The following ZNF678 variants were observed in gnomAD, a reference collection of about 807,000 sequenced individuals.
ZNF678 encodes hypothetical protein MGC42493.
Under a neutral mutation model 3.0 loss-of-function variants are expected in ZNF678, and 5 were observed. The ratio of observed to expected loss-of-function variants is 1.69; its 90% CI spans 0.88 to 3.56. The LOEUF is 3.56. Ranked by LOEUF, ZNF678 falls within the 30% of genes most tolerant of loss-of-function variation. The probability of loss-of-function intolerance (pLI) is 0.00; values close to 1 mark genes in which losing one functional copy is unlikely to be tolerated. For synonymous variants in ZNF678, 218 were observed against 199.6 expected, an observed-to-expected ratio of 1.09 and a Z score of -0.78; for missense variants, 593 against 605.0, an observed-to-expected ratio of 0.98 and a Z score of 0.21.
chr1:227,664,919 G>A (rs914036275), downstream of ZNF678, among the ~76,000 whole-genome samples: 4 of 152,136 alleles, frequency 2.6e-5, no homozygotes, highest in African/African-American at 9.7e-5. Flanking sequence ...AGTCCCCTAC[G>A]GAGACTGGAC....
intron 1 of ZNF678, among the ~76,000 whole-genome samples, chr1:227,644,482 G>A (rs1312829727): frequency 6.6e-6 from 1 of 152,156 alleles, no homozygotes; most frequent in African/African-American, 2.4e-5. Flanking sequence ...ATTGTGATTG[G>A]TGGTCTTCAC....
At chr1:227,615,920 T>C (rs1283589643) in intron 1 of ZNF678, among the ~76,000 whole-genome samples, 1 of 152,214 alleles carries the variant, frequency 6.6e-6, no homozygotes, top group East Asian at 1.9e-4. Flanking sequence ...CCCTCGGTCT[T>C]GTGATCTCCC....
intron 1 of ZNF678, among the ~76,000 whole-genome samples, chr1:227,597,995 T>C (rs1214106643): frequency 1.3e-5 from 2 of 152,328 alleles, no homozygotes; most frequent in South Asian, 2.1e-4. Flanking sequence ...AAAATTAAAA[T>C]ATGCTTCTCT....
intron 5 of ZNF678, among the ~76,000 whole-genome samples, chr1:227,673,242 C>G (rs930239469): frequency 1.7e-4 from 26 of 152,320 alleles, no homozygotes; most frequent in African/African-American, 6.0e-4. Context: ...CACCTCTGAG[C>G]CTACCCTGGT....
At position 227,662,075 on chromosome 1, in the gene ZNF678, GC is replaced by G. The variant is rs1335669925; in HGVS notation, c.*6248del. On this transcript the variant is annotated 3_prime_UTR_variant, in exon 4 of 4. Transcript: ENST00000343776. The stretch of plus-strand genomic sequence containing the variant: ...TGAGTATTTAAGGAGAAGGTTCTAG[GC>G]TTCCGAAGTAAAATTGGATGTGGAG... The G allele has an allele frequency of 1.3e-5, 2 of 152,166 alleles. No homozygotes were observed. The highest frequency in any genetic ancestry group is 2.9e-5 in the Non-Finnish European group (2 of 68,026). 9.4% of individuals were successfully genotyped at this position (152,166 alleles called of 1,614,324 possible).
intron 1 of ZNF678, among the ~76,000 whole-genome samples, chr1:227,566,181 C>T (rs1656679962): frequency 6.6e-6 from 1 of 152,138 alleles, no homozygotes; most frequent in Non-Finnish European, 1.5e-5. Flanking sequence ...TTTTTCCTCC[C>T]AGAGGACAGC....
chr1:227,565,488 C>G (rs550941943), intron 1 of ZNF678, among the ~76,000 whole-genome samples: 20 of 152,196 alleles, frequency 1.3e-4, no homozygotes, highest in African/African-American at 4.8e-4. Context: ...TCCTGAGTGG[C>G]TAGGCTTAAA....
chr1:227,566,880 A>G (rs1366094977), intron 1 of ZNF678, among the ~76,000 whole-genome samples: 1 of 145,252 alleles, frequency 6.9e-6, no homozygotes, highest in Non-Finnish European at 1.5e-5. Context: ...GTGATTTCAA[A>G]CAGAATCTCA....
intron 1 of ZNF678, among the ~76,000 whole-genome samples, chr1:227,623,883 A>G (rs965611441): frequency 1.3e-5 from 2 of 152,172 alleles, no homozygotes; most frequent in African/African-American, 2.4e-5. Flanking sequence ...ATTCTCTCCA[A>G]TCATCTGGAA....
chr1:227,563,795 C>G, intron 1 of ZNF678, 71 bp downstream of exon 1: 9 of 1,276,584 alleles, frequency 7.1e-6, no homozygotes, highest in Non-Finnish European at 9.3e-6. Context: ...AGTCCGCGGC[C>G]CGGAGTCCCG....
Position 227,655,480 on chromosome 1 carries a change from T to G in ZNF678, c.1230T>G (p.Cys410Trp). The change falls in exon 4 of 4, where the codon TGT (cysteine) becomes TGG (tryptophan). Residue 410 changes from cysteine to tryptophan, a missense_variant. Physicochemically the swap from Cys to Trp is radical, Grantham distance 215. Transcript: ENST00000343776. ...TGAAACCCTACAAATGTGAAGAATG[T>G]GGGAAAGTTTTTAAACAGTGCTCTC... ...TGVKPYKCEE[C>W]GKVFKQCSHL... The G allele has an allele frequency of 6.2e-7, 1 of 1,612,510 alleles. No homozygotes were observed. The highest frequency in any genetic ancestry group is 8.5e-7 in the Non-Finnish European group (1 of 1,179,274).
chr1:227,574,551 C>G (rs1656940361), intron 1 of ZNF678, among the ~76,000 whole-genome samples: 2 of 152,112 alleles, frequency 1.3e-5, no homozygotes, highest in African/African-American at 4.8e-5. Context: ...CTTATAGATG[C>G]TGGATATTAG....
At chr1:227,575,563 G>A (rs975862054) in intron 1 of ZNF678, among the ~76,000 whole-genome samples, 2 of 151,990 alleles carry the variant, frequency 1.3e-5, no homozygotes, top group African/African-American at 4.8e-5. Flanking sequence ...TTGGTATATG[G>A]CAATGTTAGT....
intron 1 of ZNF678, among the ~76,000 whole-genome samples, chr1:227,583,357 T>C (rs928150153): frequency 1.4e-5 from 2 of 147,910 alleles, no homozygotes; most frequent in African/African-American, 4.9e-5. Flanking sequence ...TTTTTCTTTT[T>C]TTTTTTTTTT....
At chr1:227,646,430 T>C in intron 1 of ZNF678, 114 bp from the exon 2 acceptor site, 1 of 1,014,358 alleles carries the variant, frequency 9.9e-7, no homozygotes. Flanking sequence ...AACAATGTCT[T>C]ACTGGACAGT....
rs1412091563 is a variant in ZNF678, at chr1:227,568,549, C to T, written c.-164+4825C>T. On this transcript the variant is annotated intron_variant, in intron 1 of 3. Coordinates refer to ENST00000343776, the MANE Select transcript of ZNF678 (RefSeq NM_001367909.1). ...GCCTACGCACCCAATCTTCTCCTGCCACTTTCCTTTGCTGTATACAGATCT... is the reference window on the plus strand; with the variant it reads ...GCCTACGCACCCAATCTTCTCCTGCTACTTTCCTTTGCTGTATACAGATCT... 2.6e-5 allele frequency among the ~76,000 whole-genome samples: 4 copies of T among 152,206 alleles called. No homozygotes were observed. In the East Asian group the frequency reaches 5.8e-4, roughly 22 times the overall value.
At chr1:227,620,214 AT>A (rs986947802) in intron 1 of ZNF678, among the ~76,000 whole-genome samples, 4 of 152,194 alleles carry the variant, frequency 2.6e-5, no homozygotes, top group African/African-American at 9.6e-5. Context: ...TTGAAATCCT[AT>A]TTAACATACA....
intron 1 of ZNF678, among the ~76,000 whole-genome samples, chr1:227,625,180 A>C (rs1413828780): frequency 6.6e-6 from 1 of 152,158 alleles, no homozygotes; most frequent in East Asian, 1.9e-4. Flanking sequence ...GAGCTGAGTT[A>C]CAAGCCCCGT....
chr1:227,640,812 C>G (rs1445896834), intron 1 of ZNF678, among the ~76,000 whole-genome samples: 1 of 151,964 alleles, frequency 6.6e-6, no homozygotes, highest in Non-Finnish European at 1.5e-5. Context: ...TTTCCCATAA[C>G]GGAGGGTAGG....
Sources: allele counts gnomAD v4.1 joint callset (sites outside exome capture counted in the v4.1 genomes callset), GRCh38; gene constraint gnomAD v4.1.1; transcripts MANE v1.5; gene names NCBI Gene and HGNC (gene_info 2026-07-23, HGNC 2026-07-21).